CAPN2: variants seen among roughly 807,000 people sequenced by gnomAD.
CAPN2 encodes calpain 2.
In CAPN2, 92 loss-of-function variants were observed where a neutral mutation model predicts 102.3. The ratio of observed to expected loss-of-function variants is 0.90; its 90% CI spans 0.76 to 1.07. CAPN2 has a LOEUF of 1.07. CAPN2 is among the 50% of genes least tolerant of loss of function. The pLI is 0.00. For missense variants in CAPN2, 800 were observed against 909.4 expected (o/e 0.88, Z 1.55); for synonymous variants, 340 against 355.4 (o/e 0.96, Z 0.49).
At position 223,756,117 on chromosome 1, in the gene CAPN2, A is replaced by G. The variant is rs3754086; in HGVS notation, c.1305+468A>G. ...GAACATTGGTCATGATGCTCCCCCC[A>G]GGGCTCTGATGGCTGGAGCCCAGAT... is the stretch of plus-strand genomic sequence containing the variant. On this transcript the variant is annotated intron_variant, in intron 10 of 20. Transcript: ENST00000295006. This position sits in a 1 kb window ranked among gnomAD's most constrained non-coding sequence, Gnocchi z 4.1. Among the ~76,000 whole-genome samples the G allele has an allele frequency of 0.063, 9,575 of 152,204 alleles. 713 individuals are homozygous for G. The highest frequency in any genetic ancestry group is 0.16 in the African/African-American group (6,573 of 41,520).
chr1:223,770,256 T>G (rs1357710401), intron 17 of CAPN2, 191 bp from the exon 18 acceptor site: 3 of 600,644 alleles, frequency 5.0e-6, no homozygotes, highest in African/African-American at 3.7e-5. Context: ...GATGGGCATA[T>G]TTACAAACCA....
At chr1:223,734,354 C>T (rs553885550) in intron 2 of CAPN2, among the ~76,000 whole-genome samples, 30 of 152,084 alleles carry the variant, frequency 2.0e-4, no homozygotes, top group Admixed American at 3.3e-4. Context: ...GTTGCTGTCA[C>T]AGCTCACTGC....
At chr1:223,705,216 A>G (rs761996271) in intron 1 of CAPN2, among the ~76,000 whole-genome samples, 4 of 152,258 alleles carry the variant, frequency 2.6e-5, no homozygotes, top group Non-Finnish European at 4.4e-5. Context: ...GTAACAAAAC[A>G]AAGAGGCAAG....
chr1:223,714,787 A>G (rs530457895), intron 1 of CAPN2, among the ~76,000 whole-genome samples: 2 of 152,304 alleles, frequency 1.3e-5, no homozygotes, highest in African/African-American at 4.8e-5. Context: ...GGCACAATGC[A>G]TATGGTTTCT....
chr1:223,773,916 C>T (rs963072934), intron 20 of CAPN2, among the ~76,000 whole-genome samples: 2 of 151,958 alleles, frequency 1.3e-5, no homozygotes, highest in Non-Finnish European at 2.9e-5. Context: ...TGCCTGTAGA[C>T]CCAGCTACCC....
intron 16 of CAPN2, among the ~76,000 whole-genome samples, chr1:223,766,831 G>T (rs1356976925): frequency 6.6e-6 from 1 of 152,060 alleles, no homozygotes; most frequent in African/African-American, 2.4e-5. Flanking sequence ...GTGGTGGCGG[G>T]CACCTGTAAT....
At chr1:223,758,689 C>CTTTTTTTTTT (rs1553255729) in intron 11 of CAPN2, 1 of 146,728 alleles carries the variant, frequency 6.8e-6, no homozygotes, top group African/African-American at 2.7e-5. Context: ...AGAAAGTTTG[C>CTTTTTTTTTT]TTTTTGTTTT....
chr1:223,738,312 C>T (rs1441771767), intron 2 of CAPN2, among the ~76,000 whole-genome samples: 1 of 152,018 alleles, frequency 6.6e-6, no homozygotes, highest in East Asian at 1.9e-4. Flanking sequence ...AAGCATGACA[C>T]CACACCTGGC....
chr1:223,746,879 A>C, intron 4 of CAPN2, 118 bp from the exon 5 acceptor site: 2 of 810,326 alleles, frequency 2.5e-6, no homozygotes, highest in Non-Finnish European at 3.7e-6. Flanking sequence ...GGCCAAGGAG[A>C]ATGTGAGCAG....
intron 1 of CAPN2, among the ~76,000 whole-genome samples, chr1:223,716,877 G>A (rs1030393080): frequency 6.6e-6 from 1 of 152,070 alleles, no homozygotes; most frequent in Non-Finnish European, 1.5e-5. Context: ...ACCCTTGAAC[G>A]CTTGGTACTA....
chr1:223,774,778 A>AATT, intron 20 of CAPN2, 56 bp from the exon 21 acceptor site: 6 of 1,535,492 alleles, frequency 3.9e-6, no homozygotes, highest in Non-Finnish European at 5.4e-6. Context: ...GTACTTAAAT[A>AATT]GCCTTTAATT....
At chr1:223,710,453 C>T (rs1442740615), upstream of CAPN2, among the ~76,000 whole-genome samples, 1 of 152,042 alleles carries the variant, frequency 6.6e-6, no homozygotes, top group Non-Finnish European at 1.5e-5. Flanking sequence ...TCTAAGCCTC[C>T]CCCTCCCCTA....
At chr1:223,702,169 T>G (rs1183789351) in intron 1 of CAPN2, among the ~76,000 whole-genome samples, 15 of 148,002 alleles carry the variant, frequency 1.0e-4, no homozygotes, top group African/African-American at 3.8e-4. Context: ...CTCACGCCTG[T>G]AATCCCAGCA....
intron 4 of CAPN2, among the ~76,000 whole-genome samples, chr1:223,746,600 C>T (rs972504235): frequency 2.0e-5 from 3 of 150,768 alleles, no homozygotes; most frequent in African/African-American, 7.4e-5. Context: ...GCCTCAGCCT[C>T]CCAAGTAGCT....
rs1660240429 is a variant in CAPN2 at position 223,727,910 on chromosome 1, G to A, written c.307+10079G>A. ...GCCTTTCCAAACCACACATCAGCAG[G>A]GAGACAGTGGGAACATCTCAGGTCC... On this transcript the variant is annotated intron_variant, in intron 2 of 20. Transcript: ENST00000295006. This position sits in a 1 kb window ranked among gnomAD's most constrained non-coding sequence, Gnocchi z 4.1. Among the ~76,000 whole-genome samples, 1 of 152,156 alleles carries A rather than the reference G, an allele frequency of 6.6e-6. No individual in the cohort carries two copies. Among genetic ancestry groups the A allele is most frequent in the South Asian group, 2.1e-4 (1 of 4,826 alleles).
At position 223,749,045 on chromosome 1, in the gene CAPN2, A is replaced by G. The variant is rs1220654222; in HGVS notation, c.736A>G (p.Ser246Gly). ...ACGGTTGCTGTGTTTGCAGATCACC[A>G]GCGCCGCGGACTCGGAGGCCATCAC... ...SLLGCSIDITSAADSEAITFQ... is the reference protein window; with the variant it reads ...SLLGCSIDITGAADSEAITFQ... Residue 246 changes from serine (S) to glycine (G), a missense_variant, in exon 6 of 21, where the codon AGC becomes GGC. Physicochemically the swap from Ser to Gly is moderately conservative, Grantham distance 56. Coordinates refer to ENST00000295006, the MANE Select transcript of CAPN2 (RefSeq NM_001748.5). 1 of 1,613,818 alleles carries G rather than the reference A, an allele frequency of 6.2e-7. No homozygotes were observed. The highest frequency in any genetic ancestry group is 2.2e-5 in the East Asian group (1 of 44,888).
chr1:223,704,958 C>T (rs1558376003), intron 1 of CAPN2, among the ~76,000 whole-genome samples: 2 of 152,268 alleles, frequency 1.3e-5, no homozygotes, highest in South Asian at 2.1e-4. Context: ...CCCCAGCCCC[C>T]TCCTGCCGCT....
rs1349813912 is a variant in CAPN2 at position 223,725,805 on chromosome 1, C to T, written c.307+7974C>T. Among the ~76,000 whole-genome samples, 1 of 152,212 alleles carries T rather than the reference C, an allele frequency of 6.6e-6. No individual in the cohort carries two copies. Among genetic ancestry groups the T allele is most frequent in the Admixed American group, 6.5e-5 (1 of 15,286 alleles). ...TTCAGTGCCAAGGAACGTGGACTCT[C>T]TCCTATCCCAGCACATACACGTGCT... On this transcript the variant is annotated intron_variant, in intron 2 of 20. Transcript: ENST00000295006. The surrounding 1 kb of genome is among the most constrained non-coding windows in gnomAD (Gnocchi z 4.1).
chr1:223,741,805 C>G (rs932356742), intron 2 of CAPN2, among the ~76,000 whole-genome samples: 1 of 149,636 alleles, frequency 6.7e-6, no homozygotes, highest in Non-Finnish European at 1.5e-5. Context: ...GGCACAGAGT[C>G]TCACTCTGTT....
Sources: gnomAD v4.1 joint callset for allele counts (sites outside exome capture counted in the v4.1 genomes callset) on GRCh38, gnomAD v4.1.1 for gene constraint, Gnocchi (gnomAD v3.1) non-coding constraint, MANE v1.5 for transcripts, NCBI Gene and HGNC (gene_info 2026-07-23, HGNC 2026-07-21) for gene names.